Variants in ATP1A4 observed in about 807,000 individuals in gnomAD.
ATP1A4 encodes ATPase Na+/K+ transporting subunit alpha 4.
Under a neutral mutation model 114.3 loss-of-function variants are expected in ATP1A4, and 90 were observed. That is an observed-to-expected ratio of 0.79 (90% CI 0.66 to 0.94). The LOEUF (loss-of-function observed/expected upper bound fraction) is 0.94. Ranked by LOEUF, ATP1A4 falls within the 40% of genes least tolerant of loss-of-function variation. The pLI is 0.00. For synonymous variants in ATP1A4, 511 were observed against 494.1 expected (o/e 1.03, Z -0.45); for missense variants, 1,222 against 1,313.6 (o/e 0.93, Z 1.08).
chr1:160,157,506 T>C (rs1292017040), intron 4 of ATP1A4, among the ~76,000 whole-genome samples: 1 of 152,238 alleles, frequency 6.6e-6, no homozygotes, highest in Non-Finnish European at 1.5e-5. Context: ...GATAATGCGT[T>C]AAAGGATGTA....
chr1:160,167,055 A>C lies in ATP1A4; in HGVS notation c.1334A>C (p.Gln445Pro), dbSNP rs1246372272. The C allele has an allele frequency of 1.2e-6, 2 of 1,614,006 alleles. No homozygotes were observed. Among genetic ancestry groups the C allele is most frequent in the Non-Finnish European group, 1.7e-6 (2 of 1,180,000 alleles). Residue 445 changes from glutamine to proline, a missense_variant, in exon 9 of 22, where the codon CAG (glutamine) becomes CCG (proline). Transcript: ENST00000368081. ...LCNRADFKAN[Q>P]EILPIAKRAT... is the part of the protein sequence containing the mutation. ...AACCGGGCTGACTTTAAGGCTAATC[A>C]GGAGATCCTGCCCATTGCTAAGGTG...
In ATP1A4 at chr1:160,176,669, A is replaced by G. The variant is rs937058143; in HGVS notation, c.2590+67A>G. ...TTTCCCCTGCCTGGCAACGTGAGCC[A>G]TCTCAGTTTGGAAGTCAGGGAGATA... On this transcript the variant is annotated intron_variant, in intron 17 of 21. Transcript: ENST00000368081. The G allele has an allele frequency of 7.5e-6, 12 of 1,590,568 alleles. No homozygotes were observed. In the African/African-American group the frequency reaches 1.5e-4, roughly 20 times the overall value.
At position 160,171,318 on chromosome 1, in the gene ATP1A4, G is replaced by A. The variant is rs1653246492; in HGVS notation, c.1559G>A (p.Arg520Lys). 3 of 1,614,006 alleles carry A rather than the reference G, an allele frequency of 1.9e-6. No individual in the cohort carries two copies. Among genetic ancestry groups the A allele is most frequent in the Admixed American group, 3.3e-5 (2 of 59,994 alleles). The change falls in exon 11 of 22, where the codon AGG becomes AAG. Residue 520 changes from arginine to lysine, a missense_variant. By Grantham distance (26) the Arg-to-Lys change is conservative. Coordinates refer to ENST00000368081, the MANE Select transcript of ATP1A4 (RefSeq NM_144699.4). The part of the protein sequence containing the change: ...HVLMMKGAPE[R>K]ILEFCSTFLL... ...CTGATGATGAAGGGTGCTCCGGAGA[G>A]GATCTTGGAGTTTTGTTCTACCTTT... is the stretch of plus-strand genomic sequence containing the variant.
At chr1:160,155,927 C>T in intron 3 of ATP1A4, 118 bp from the exon 4 acceptor site, 2 of 660,954 alleles carry the variant, frequency 3.0e-6, no homozygotes, top group East Asian at 5.4e-5. Context: ...CTGCTCTCAA[C>T]TCAGTCTTAC....
Position 160,167,336 on chromosome 1 carries a change from A to G in ATP1A4, c.1415A>G (p.Tyr472Cys). Residue 472 changes from tyrosine (Y) to cysteine (C), a missense_variant, in exon 10 of 22, where the codon TAC becomes TGC. Transcript: ENST00000368081. ...SALLKFIEQS[Y>C]SSVAEMREKN... ...CTCCTCAAGTTCATCGAGCAGTCTT[A>G]CAGCTCTGTGGCGGAGATGAGAGAG... is the stretch of plus-strand genomic sequence containing the variant. The G allele has an allele frequency of 6.2e-7, 1 of 1,611,322 alleles. No homozygotes were observed. The highest frequency in any genetic ancestry group is 8.5e-7 in the Non-Finnish European group (1 of 1,179,398).
In ATP1A4 at chr1:160,164,164, C is replaced by CG; in HGVS notation, c.791dup (p.Ile265TyrfsTer31). On this transcript the variant is annotated frameshift_variant, in exon 7 of 22. Coordinates refer to ENST00000368081, the MANE Select transcript of ATP1A4 (RefSeq NM_144699.4). LOFTEE classifies it high-confidence loss of function. ...TCCTGCTTCATCCACAGGAACCGCC[C>CG]GGGGTATTGTGATTGCTACGGGAGA... is the stretch of plus-strand genomic sequence containing the variant. 6.2e-7 allele frequency: 1 copy of CG among 1,614,010 alleles called. No individual in the cohort carries two copies. Among genetic ancestry groups the CG allele is most frequent in the Non-Finnish European group, 8.5e-7 (1 of 1,179,920 alleles).
chr1:160,152,645 T>C (rs534392873), intron 1 of ATP1A4, among the ~76,000 whole-genome samples: 44 of 152,334 alleles, frequency 2.9e-4, no homozygotes, highest in African/African-American at 8.9e-4. Context: ...TTGTCTTTAA[T>C]TGGGCCTTCG....
rs1180931823 is a variant in ATP1A4, at chr1:160,153,239, C to G, written c.207+15C>G. 2 of 1,611,488 alleles carry G rather than the reference C, an allele frequency of 1.2e-6. No individual in the cohort carries two copies. Among genetic ancestry groups the G allele is most frequent in the Non-Finnish European group, 1.7e-6 (2 of 1,178,058 alleles). On this transcript the variant is annotated intron_variant, in intron 2 of 21. Coordinates refer to ENST00000368081, the MANE Select transcript of ATP1A4 (RefSeq NM_144699.4). ...ACCTGACAAAGGTGAGTAAGAAGCT[C>G]CCTGAGGAGGCAGAGAGTCTCCAAC...
At chr1:160,179,004 G>A (rs572584907) in intron 18 of ATP1A4, among the ~76,000 whole-genome samples, 1 of 152,328 alleles carries the variant, frequency 6.6e-6, no homozygotes, top group Admixed American at 6.5e-5. Context: ...GATCTAGGAA[G>A]ATTCTGTAAC....
intron 18 of ATP1A4, among the ~76,000 whole-genome samples, chr1:160,178,156 G>A (rs1653552569): frequency 6.6e-6 from 1 of 150,578 alleles, no homozygotes; most frequent in East Asian, 2.0e-4. Context: ...TGGGAGTTGA[G>A]ACCATCCTGG....
chr1:160,167,356 A>T lies in ATP1A4; in HGVS notation c.1435A>T (p.Arg479Ter), dbSNP rs41288137. Residue 479 changes from arginine (R) to a stop codon, truncating the protein, a stop_gained, in exon 10 of 22, where the codon AGA becomes TGA. Coordinates refer to ENST00000368081, the MANE Select transcript of ATP1A4 (RefSeq NM_144699.4). LOFTEE classifies it high-confidence loss of function. ...GTCTTACAGCTCTGTGGCGGAGATG[A>T]GAGAGAAAAACCCCAAGGTGGCAGA... is the stretch of plus-strand genomic sequence containing the variant. ...EQSYSSVAEM[R>*]EKNPKVAEIP... The T allele has an allele frequency of 3.3e-5, 53 of 1,612,162 alleles. No homozygotes were observed. The highest frequency in any genetic ancestry group is 4.2e-5 in the Non-Finnish European group (50 of 1,179,562).
rs754150634 is a variant in ATP1A4, at chr1:160,155,249, G to A, written c.411+1G>A. 12 of 1,611,532 alleles carry A rather than the reference G, an allele frequency of 7.4e-6. No homozygotes were observed. The highest frequency in any genetic ancestry group is 4.4e-5 in the South Asian group (4 of 90,760). ...CAATGAGGAGCCTACCAAAGACAAC[G>A]TGAGTCTCTTCAGCTACTACTAGCC... On this transcript the variant is annotated splice_donor_variant, in intron 3 of 21. Transcript: ENST00000368081. LOFTEE classifies it high-confidence loss of function.
At position 160,153,207 on chromosome 1, in the gene ATP1A4, T is replaced by G. The variant is rs754218183; in HGVS notation, c.190T>G (p.Ser64Ala). ...LTLEELSTKY[S>A]VDLTKGHSHQ... ...CTTGGAAGAGCTGAGCACCAAGTACTCCGTGGACCTGACAAAGGTGAGTAA... is the reference window on the plus strand; with the variant it reads ...CTTGGAAGAGCTGAGCACCAAGTACGCCGTGGACCTGACAAAGGTGAGTAA... Residue 64 changes from serine to alanine, a missense_variant, in exon 2 of 22, where the codon TCC (serine) becomes GCC (alanine). Physicochemically the swap from Ser to Ala is moderately conservative, Grantham distance 99. Transcript: ENST00000368081. The G allele has an allele frequency of 3.1e-6, 5 of 1,613,814 alleles. No homozygotes were observed. Among genetic ancestry groups the G allele is most frequent in the Non-Finnish European group, 4.2e-6 (5 of 1,179,856 alleles).
intron 21 of ATP1A4, 116 bp downstream of exon 21, chr1:160,186,483 G>A: frequency 5.6e-6 from 6 of 1,072,090 alleles, no homozygotes; most frequent in Non-Finnish European, 7.0e-6. Context: ...CTCGCTGCCA[G>A]CCTTGACTGC....
chr1:160,186,102 A>AAAAAAAAAAAAAAAC (rs1653881751), intron 20 of ATP1A4, among the ~76,000 whole-genome samples, 174 bp from the exon 21 acceptor site: 1 of 148,910 alleles, frequency 6.7e-6, no homozygotes, highest in Non-Finnish European at 1.5e-5. Flanking sequence ...AAAAAAAAAA[A>AAAAAAAAAAAAAAAC]AAAAAAGGGA....
chr1:160,176,173 T>A lies in ATP1A4; in HGVS notation c.2393T>A (p.Met798Lys), dbSNP rs1227269945. The change falls in exon 16 of 22, where the codon ATG becomes AAG. Residue 798 changes from methionine (M) to lysine (K), a missense_variant. Transcript: ENST00000368081. ...SNIPEITPFL[M>K]FIILGIPLPL... Reference sequence around the variant, plus strand: ...ATCCCCGAGATCACGCCCTTCCTGATGTTCATCATCCTCGGTATACCCCTG... The same window carrying A: ...ATCCCCGAGATCACGCCCTTCCTGAAGTTCATCATCCTCGGTATACCCCTG... 3 of 1,614,124 alleles carry A rather than the reference T, an allele frequency of 1.9e-6. No individual in the cohort carries two copies. The highest frequency in any genetic ancestry group is 3.3e-5 in the Admixed American group (2 of 60,020).
In ATP1A4 at chr1:160,156,066, T is replaced by A. The variant is rs1440739944; in HGVS notation, c.433T>A (p.Ser145Thr). 11 of 1,613,424 alleles carry A rather than the reference T, an allele frequency of 6.8e-6. No individual in the cohort carries two copies. The highest frequency in any genetic ancestry group is 9.3e-6 in the Non-Finnish European group (11 of 1,179,460). ...KDNLYLSIVL[S>T]VVVIVTGCFS... ...TCAGCTCTACCTGAGCATCGTACTG[T>A]CCGTCGTGGTCATCGTCACTGGCTG... Residue 145 changes from serine (S) to threonine (T), a missense_variant, in exon 4 of 22, where the codon TCC (serine) becomes ACC (threonine). By Grantham distance (58) the Ser-to-Thr change is moderately conservative. Transcript: ENST00000368081.
In ATP1A4 at chr1:160,159,335, A is replaced by G. The variant is rs901662149; in HGVS notation, c.661-74A>G. 2.8e-6 allele frequency: 4 copies of G among 1,406,360 alleles called. No individual in the cohort carries two copies. The African/African-American group carries it at 4.3e-5, about 15-fold the overall frequency. 87.1% of individuals were successfully genotyped at this position (1,406,360 alleles called of 1,614,324 possible). A position where few individuals can be genotyped will look rare whatever the true frequency, so the allele number is the denominator to read the frequency against. Reference sequence around the variant, plus strand: ...TGATGATGTTGGTGACCAGATGAAGACATACTATTTTTGTAAATAAATCTG... The same window carrying G: ...TGATGATGTTGGTGACCAGATGAAGGCATACTATTTTTGTAAATAAATCTG... On this transcript the variant is annotated intron_variant, in intron 5 of 21. Transcript: ENST00000368081.
chr1:160,167,479 C>T (rs1204303993), intron 10 of ATP1A4, 67 bp downstream of exon 10: 2 of 1,584,764 alleles, frequency 1.3e-6, no homozygotes, highest in East Asian at 2.2e-5. Flanking sequence ...ACAAGGGGAG[C>T]TTTGCCTCTG....
Sources: allele counts gnomAD v4.1 joint callset (sites outside exome capture counted in the v4.1 genomes callset), GRCh38; gene constraint gnomAD v4.1.1; transcripts MANE v1.5; gene names NCBI Gene and HGNC (gene_info 2026-07-23, HGNC 2026-07-21).